Variants in POC5 observed in about 807,000 individuals in gnomAD.
POC5 encodes the protein POC5 centriolar protein.
A neutral mutation model predicts 62.9 loss-of-function variants in POC5; 48 were observed. The ratio of observed to expected loss-of-function variants is 0.76; its 90% CI spans 0.61 to 0.97. The LOEUF (loss-of-function observed/expected upper bound fraction) is 0.97. Ranked by LOEUF, POC5 falls within the 50% of genes least tolerant of loss-of-function variation. POC5 has a pLI of 0.00. For missense variants in POC5, 696 were observed against 679.5 expected, an observed-to-expected ratio of 1.02 and a Z score of -0.27; for synonymous variants, 236 against 228.2, an observed-to-expected ratio of 1.03 and a Z score of -0.31.
At chr5:75,679,390 A>G (rs535648602) in intron 10 of POC5, among the ~76,000 whole-genome samples, 2 of 152,286 alleles carry the variant, frequency 1.3e-5, no homozygotes, top group Non-Finnish European at 2.9e-5. Flanking sequence ...ATTATAGTTC[A>G]TCTGTGATTC....
chr5:75,694,686 G>C lies in POC5; in HGVS notation c.659C>G (p.Thr220Ser). Residue 220 changes from threonine to serine, a missense_variant, in exon 6 of 12, where the codon ACC becomes AGC. By Grantham distance (58) the Thr-to-Ser change is moderately conservative. Coordinates refer to ENST00000428202, the MANE Select transcript of POC5 (RefSeq NM_001099271.2). ...TTTTCTCCCAATGGAGATTTCAAAG[G>C]TTTTTTGCAGCTCCTTCAATTCATT... ...QINELKELQK[T>S]FEISIGRKDE... 6.4e-7 allele frequency: 1 copy of C among 1,573,904 alleles called. No individual in the cohort carries two copies.
In POC5 at chr5:75,684,858, T is replaced by C. The variant is rs1026599261; in HGVS notation, c.1407+349A>G. Reference sequence around the variant, plus strand: ...TATTTTATGAGTTCAAAATATTAAATTTACAAACAAGCTTTTTTTTTTTTT... The same window carrying C: ...TATTTTATGAGTTCAAAATATTAAACTTACAAACAAGCTTTTTTTTTTTTT... On this transcript the variant is annotated intron_variant, in intron 10 of 11. Transcript: ENST00000428202. Among the ~76,000 whole-genome samples, 10 of 150,118 alleles carry C rather than the reference T, an allele frequency of 6.7e-5. 1 individual carries two copies. The South Asian group carries it at 1.1e-3, about 16-fold the overall frequency.
rs774681662 is a variant in POC5 at position 75,694,655 on chromosome 5, C to T, written c.690G>A (p.Glu230=). The T allele has an allele frequency of 6.6e-7, 1 of 1,504,158 alleles. No individual in the cohort carries two copies. The highest frequency in any genetic ancestry group is 2.5e-5 in the Admixed American group (1 of 40,668). 93.2% of individuals were successfully genotyped at this position (1,504,158 alleles called of 1,614,324 possible). A position where few individuals can be genotyped will look rare whatever the true frequency, so the allele number is the denominator to read the frequency against. ...TAAAAAGAAATATAAAAAAGAAGAC[C>T]TCATCTTTTCTCCCAATGGAGATTT... is the stretch of plus-strand genomic sequence containing the variant. ...TFEISIGRKD[E]VISSLSHAIG... Residue 230 remains glutamate, a splice_region_variant and synonymous_variant, in exon 6 of 12, where the codon GAG becomes GAA. Coordinates refer to ENST00000428202, the MANE Select transcript of POC5 (RefSeq NM_001099271.2).
chr5:75,684,463 C>A (rs1776011759), intron 10 of POC5, among the ~76,000 whole-genome samples: 1 of 149,270 alleles, frequency 6.7e-6, no homozygotes. Context: ...CTCCGGGGTT[C>A]AAGCAATTCT....
intron 1 of POC5, among the ~76,000 whole-genome samples, chr5:75,716,651 T>C (rs1580073903): frequency 1.3e-5 from 2 of 152,204 alleles, no homozygotes; most frequent in Admixed American, 6.5e-5. Context: ...CGCACATTAG[T>C]TCACTACATT....
At chr5:75,699,089 G>C (rs1024372161) in intron 5 of POC5, among the ~76,000 whole-genome samples, 12 of 152,038 alleles carry the variant, frequency 7.9e-5, no homozygotes, top group African/African-American at 1.4e-4. Flanking sequence ...GCTTACCAAT[G>C]AAAAAGAGTC....
At chr5:75,688,304 A>G (rs1776180203) in intron 9 of POC5, among the ~76,000 whole-genome samples, 1 of 152,186 alleles carries the variant, frequency 6.6e-6, no homozygotes, top group Non-Finnish European at 1.5e-5. Flanking sequence ...GTTTTACTGC[A>G]TCCCACAAGA....
intron 11 of POC5, among the ~76,000 whole-genome samples, 182 bp from the exon 12 acceptor site, chr5:75,674,760 C>A (rs1326635593): frequency 6.6e-6 from 1 of 152,120 alleles, no homozygotes; most frequent in African/African-American, 2.4e-5. Flanking sequence ...GAACCCCTAC[C>A]CAGTCTGACT....
intron 2 of POC5, among the ~76,000 whole-genome samples, chr5:75,708,167 C>T (rs962657686): frequency 3.3e-5 from 5 of 151,864 alleles, no homozygotes; most frequent in African/African-American, 1.2e-4. Flanking sequence ...CAAAGTGAGA[C>T]CTCATCTCTA....
At chr5:75,713,658 A>C (rs929771823) in intron 1 of POC5, among the ~76,000 whole-genome samples, 1 of 152,216 alleles carries the variant, frequency 6.6e-6, no homozygotes, top group Admixed American at 6.5e-5. Flanking sequence ...AAGTAGAGAG[A>C]TAGGAGTAGC....
At chr5:75,702,497 A>C (rs1296985275) in intron 5 of POC5, 108 bp downstream of exon 5, 2 of 1,093,924 alleles carry the variant, frequency 1.8e-6, no homozygotes, top group Non-Finnish European at 2.6e-6. Context: ...CTCAGGAAAC[A>C]AAAGATTTTT....
chr5:75,700,346 G>A (rs2112165086), intron 5 of POC5, among the ~76,000 whole-genome samples: 1 of 151,302 alleles, frequency 6.6e-6, no homozygotes, highest in East Asian at 1.9e-4. Context: ...AACCAAAACA[G>A]CATGGTACTG....
chr5:75,712,546 G>T, intron 2 of POC5: 3 of 1,199,298 alleles, frequency 2.5e-6, no homozygotes, highest in Non-Finnish European at 3.6e-6. Context: ...TAGCATTCAT[G>T]AGAGGTAGCT....
chr5:75,687,343 T>C (rs992619398), intron 9 of POC5, among the ~76,000 whole-genome samples: 4 of 152,130 alleles, frequency 2.6e-5, no homozygotes, highest in Admixed American at 6.6e-5. Flanking sequence ...AAAAAACAGT[T>C]GTTTTAATAG....
At chr5:75,693,417 A>C (rs1776429075) in intron 6 of POC5, among the ~76,000 whole-genome samples, 1 of 152,056 alleles carries the variant, frequency 6.6e-6, no homozygotes, top group Non-Finnish European at 1.5e-5. Context: ...CAGAGAGGAA[A>C]AGGGCATACA....
intron 2 of POC5, chr5:75,709,724 C>G (rs1777267254): frequency 6.6e-6 from 1 of 152,086 alleles, no homozygotes; most frequent in Non-Finnish European, 1.5e-5. Context: ...AAGAAATTCC[C>G]AAAGAGCTTA....
chr5:75,683,719 A>T (rs1775960892), intron 10 of POC5, among the ~76,000 whole-genome samples: 1 of 150,210 alleles, frequency 6.7e-6, no homozygotes, highest in Non-Finnish European at 1.5e-5. Context: ...AAAAAAAAAA[A>T]TTAGAGACAG....
chr5:75,702,914 T>C (rs1188746602), intron 4 of POC5, 104 bp from the exon 5 acceptor site: 2 of 835,104 alleles, frequency 2.4e-6, no homozygotes, highest in African/African-American at 1.7e-5. Flanking sequence ...TTATGGAGGC[T>C]GAGAAAAAAT....
intron 4 of POC5, among the ~76,000 whole-genome samples, chr5:75,704,638 T>C (rs1777046734): frequency 6.6e-6 from 1 of 152,168 alleles, no homozygotes; most frequent in South Asian, 2.1e-4. Flanking sequence ...GACTCTGCTT[T>C]TCAATTTAAA....
Sources: allele counts gnomAD v4.1 joint callset (sites outside exome capture counted in the v4.1 genomes callset), GRCh38; gene constraint gnomAD v4.1.1; transcripts MANE v1.5; gene names NCBI Gene and HGNC (gene_info 2026-07-23, HGNC 2026-07-21).